The following NFRKB variants were observed in gnomAD, a reference collection of about 807,000 sequenced individuals.
NFRKB encodes nuclear factor related to kappa-B-binding protein.
A neutral mutation model predicts 135.7 loss-of-function variants in NFRKB; 62 were observed. The ratio of observed to expected loss-of-function variants is 0.46; its 90% CI spans 0.37 to 0.56. The LOEUF is 0.56. NFRKB is among the 20% of genes least tolerant of loss of function. NFRKB has a pLI of 0.00. For synonymous variants in NFRKB, 678 were observed against 635.6 expected (o/e 1.07, Z -1.00); for missense variants, 1,545 against 1,662.0 (o/e 0.93, Z 1.22).
chr11:129,882,054 T>C (rs772912200), intron 11 of NFRKB, 32 bp downstream of exon 11: 1 of 1,560,720 alleles, frequency 6.4e-7, no homozygotes, highest in Non-Finnish European at 8.7e-7. Flanking sequence ...TTGAAAACTC[T>C]AATGTACCTC....
At chr11:129,864,929 G>A in intron 26 of NFRKB, 37 bp downstream of exon 26, 1 of 1,612,332 alleles carries the variant, frequency 6.2e-7, no homozygotes, top group Non-Finnish European at 8.5e-7. Flanking sequence ...AATCAGAGAG[G>A]AGCCGGATAT....
intron 6 of NFRKB, 62 bp from the exon 7 acceptor site, chr11:129,884,908 G>C (rs753447356): frequency 1.2e-6 from 2 of 1,612,014 alleles, no homozygotes; most frequent in Non-Finnish European, 8.5e-7. Context: ...GGGGAGATTG[G>C]GTAAGTGGCC....
chr11:129,879,140 T>G (rs780696362), intron 13 of NFRKB, among the ~76,000 whole-genome samples: 1 of 152,174 alleles, frequency 6.6e-6, no homozygotes, highest in Admixed American at 6.5e-5. Context: ...CTGTGTCTCC[T>G]GCCCAGCATA....
At chr11:129,879,413 G>T (rs1369575197) in intron 13 of NFRKB, among the ~76,000 whole-genome samples, 1 of 152,116 alleles carries the variant, frequency 6.6e-6, no homozygotes, top group Non-Finnish European at 1.5e-5. Flanking sequence ...CAGATGGGGG[G>T]AGTGCTTGCA....
At chr11:129,883,004 T>C (rs1949101984) in intron 9 of NFRKB, 118 bp downstream of exon 9, 1 of 845,326 alleles carries the variant, frequency 1.2e-6, no homozygotes, top group African/African-American at 1.7e-5. Context: ...TAAGAGGTAA[T>C]AATAAAGGTT....
chr11:129,870,707 C>T (rs1452393482), intron 23 of NFRKB, among the ~76,000 whole-genome samples: 1 of 152,142 alleles, frequency 6.6e-6, no homozygotes, highest in Admixed American at 6.5e-5. Context: ...GCTGGGACTA[C>T]AGGTGTACAA....
At chr11:129,870,358 GTAT>G in intron 23 of NFRKB, 97 bp from the exon 24 acceptor site, 2 of 1,383,968 alleles carry the variant, frequency 1.4e-6, no homozygotes, top group Non-Finnish European at 2.0e-6. Flanking sequence ...TAGATGTTTT[GTAT>G]TTTTTTTTTA....
chr11:129,888,001 C>T (rs1949361674), intron 4 of NFRKB, among the ~76,000 whole-genome samples: 1 of 152,150 alleles, frequency 6.6e-6, no homozygotes. Flanking sequence ...TGCGCCACTG[C>T]ACTCCAGCCT....
chr11:129,890,804 G>A (rs1949526764), intron 3 of NFRKB, among the ~76,000 whole-genome samples: 4 of 152,150 alleles, frequency 2.6e-5, no homozygotes, highest in Admixed American at 6.5e-5. Context: ...CCCAGGGCAC[G>A]TACCATTATT....
chr11:129,878,543 C>T lies in NFRKB; in HGVS notation c.1385G>A (p.Gly462Asp). 1 of 1,612,802 alleles carries T rather than the reference C, an allele frequency of 6.2e-7. No individual in the cohort carries two copies. The highest frequency in any genetic ancestry group is 8.5e-7 in the Non-Finnish European group (1 of 1,178,972). The part of the protein sequence containing the change: ...KEKTQQWKLL[G>D]QSQDNEKELA... ...TTCCTTTTCATTATCTTGGGATTGG[C>T]CTATTAGAGGAATAAAGAGATAAAA... Residue 462 changes from glycine (G) to aspartate (D), a missense_variant and splice_region_variant, in exon 14 of 27, where the codon GGC becomes GAC. Physicochemically the swap from Gly to Asp is moderately conservative, Grantham distance 94. Transcript: ENST00000682444.
chr11:129,871,316 A>G (rs546920797), intron 23 of NFRKB, among the ~76,000 whole-genome samples: 41 of 152,240 alleles, frequency 2.7e-4, no homozygotes, highest in Admixed American at 2.3e-3. Context: ...ACAGAGGCCA[A>G]TCATACTCAC....
chr11:129,878,519 T>C lies in NFRKB; in HGVS notation c.1409A>G (p.Glu470Gly). 2 of 1,614,088 alleles carry C rather than the reference T, an allele frequency of 1.2e-6. No individual in the cohort carries two copies. Among genetic ancestry groups the C allele is most frequent in the Non-Finnish European group, 1.7e-6 (2 of 1,179,932 alleles). The change falls in exon 14 of 27, where the codon GAA becomes GGA. Residue 470 changes from glutamate (E) to glycine (G), a missense_variant. Coordinates refer to ENST00000682444, the MANE Select transcript of NFRKB (RefSeq NM_001143835.2). ...CCATAGCTGGAAGAGGGCAGCTAATTCCTTTTCATTATCTTGGGATTGGCC... is the reference window on the plus strand; with the variant it reads ...CCATAGCTGGAAGAGGGCAGCTAATCCCTTTTCATTATCTTGGGATTGGCC... ...LLGQSQDNEK[E>G]LAALFQLWLE... is the part of the protein sequence containing the mutation.
chr11:129,881,697 A>G (rs1949036070), intron 12 of NFRKB, 30 bp downstream of exon 12: 1 of 1,611,218 alleles, frequency 6.2e-7, no homozygotes, highest in Non-Finnish European at 8.5e-7. Flanking sequence ...AGGGGGAAAA[A>G]TACTGACCCT....
Position 129,864,825 on chromosome 11 carries a change from G to T in NFRKB, c.3800C>A (p.Ser1267Tyr). 6.2e-7 allele frequency: 1 copy of T among 1,614,176 alleles called. No homozygotes were observed. The highest frequency in any genetic ancestry group is 8.5e-7 in the Non-Finnish European group (1 of 1,179,980). The change falls in exon 27 of 27, where the codon TCC becomes TAC. Residue 1267 changes from serine to tyrosine, a missense_variant. Coordinates refer to ENST00000682444, the MANE Select transcript of NFRKB (RefSeq NM_001143835.2). ...AGAAGCTGTTCCCTGTTGGAGATGG[G>T]ATGCAGGGACAGTCTGGATGCGCAC... The part of the protein sequence containing the change: ...TQVRIQTVPA[S>Y]HLQQGTASGS...
chr11:129,878,441 T>C (rs1182749432), intron 14 of NFRKB, 23 bp downstream of exon 14: 2 of 1,612,654 alleles, frequency 1.2e-6, no homozygotes, highest in Non-Finnish European at 1.7e-6. Flanking sequence ...GAGAAGGATC[T>C]GGTATTTCTT....
chr11:129,874,919 A>G lies in NFRKB; in HGVS notation c.1855-3T>C. 6.2e-7 allele frequency: 1 copy of G among 1,614,086 alleles called. No homozygotes were observed. The highest frequency in any genetic ancestry group is 8.5e-7 in the Non-Finnish European group (1 of 1,179,980). On this transcript the variant is annotated splice_region_variant and splice_polypyrimidine_tract_variant and intron_variant, in intron 18 of 26. Coordinates refer to ENST00000682444, the MANE Select transcript of NFRKB (RefSeq NM_001143835.2). This position sits in a 1 kb window ranked among gnomAD's most constrained non-coding sequence, Gnocchi z 4.5. ...GCACCACTCACTACTGTATTTACCT[A>G]CAAATCAGACAAAGGGAAATAAGAA...
intron 15 of NFRKB, among the ~76,000 whole-genome samples, 191 bp downstream of exon 15, chr11:129,878,118 C>G (rs1318614728): frequency 2.6e-5 from 4 of 152,190 alleles, no homozygotes; most frequent in Non-Finnish European, 5.9e-5. Context: ...TCCCCTCTCT[C>G]CACCACAGCC....
At chr11:129,891,052 A>C (rs1324878218) in intron 3 of NFRKB, among the ~76,000 whole-genome samples, 1 of 152,268 alleles carries the variant, frequency 6.6e-6, no homozygotes, top group Admixed American at 6.5e-5. Flanking sequence ...GGTAGAAAAT[A>C]GATCCAGGCA....
intron 23 of NFRKB, chr11:129,872,544 A>G (rs1948564218): frequency 5.2e-6 from 1 of 191,426 alleles, no homozygotes; most frequent in African/African-American, 2.3e-5. Context: ...AGAAAGTAGA[A>G]GCAAATTCTA....
Sources: allele counts gnomAD v4.1 joint callset (sites outside exome capture counted in the v4.1 genomes callset), GRCh38; gene constraint gnomAD v4.1.1; non-coding constraint Gnocchi (gnomAD v3.1); transcripts MANE v1.5; gene names NCBI Gene and HGNC (gene_info 2026-07-23, HGNC 2026-07-21).